ZNF273: variants seen among roughly 807,000 people sequenced by gnomAD.
The protein encoded by ZNF273 is zinc finger protein 9.
ZNF273 carries 11 observed loss-of-function variants against 14.9 expected under a neutral mutation model. The observed-to-expected ratio is 0.74, with a 90% CI of 0.46 to 1.22. The LOEUF (loss-of-function observed/expected upper bound fraction) is 1.22. Among genes scored for constraint, ZNF273 ranks in the 50% most tolerant of loss-of-function variants. The pLI, the probability that ZNF273 is intolerant of heterozygous loss-of-function variation, is 0.00. For synonymous variants in ZNF273, 199 were observed against 223.9 expected (o/e 0.89, Z 0.99); for missense variants, 577 against 660.6 (o/e 0.87, Z 1.39).
chr7:64,915,538 C>T (rs984335242), intron 1 of ZNF273, among the ~76,000 whole-genome samples: 4 of 152,242 alleles, frequency 2.6e-5, no homozygotes, highest in African/African-American at 9.6e-5. Context: ...AGCAGGAGCA[C>T]GTCCTGAAGG....
At chr7:64,916,079 C>T (rs1300623905) in intron 1 of ZNF273, among the ~76,000 whole-genome samples, 1 of 151,490 alleles carries the variant, frequency 6.6e-6, no homozygotes, top group Non-Finnish European at 1.5e-5. Flanking sequence ...GCTTGTAGTC[C>T]CAGCTACTAG....
Position 64,927,668 on chromosome 7 carries a change from T to C in ZNF273, c.340T>C (p.Phe114Leu). 6.4e-7 allele frequency: 1 copy of C among 1,569,532 alleles called. No individual in the cohort carries two copies. Among genetic ancestry groups the C allele is most frequent in the Non-Finnish European group, 8.6e-7 (1 of 1,163,122 alleles). The change falls in exon 4 of 4, where the codon TTT (phenylalanine) becomes CTT (leucine). Residue 114 changes from phenylalanine (F) to leucine (L), a missense_variant. Phe to Leu is a conservative substitution (Grantham distance 22). Around this residue, in one of 3 missense-constraint regions of ZNF273, gnomAD observed 162 missense variants for 203.5 expected, o/e 0.80. Transcript: ENST00000476120. The stretch of plus-strand genomic sequence containing the variant: ...ATTTCTTTCAGTTGTGTGTTCTCAT[T>C]TTGCCCAAGACCTTTGGCCAAAGCA... ...VAKPPVVCSHFAQDLWPKQGL... is the reference protein window; with the variant it reads ...VAKPPVVCSHLAQDLWPKQGL...
chr7:64,903,255 G>A (rs1303838854), upstream of ZNF273: 6 of 1,384,684 alleles, frequency 4.3e-6, no homozygotes, highest in Non-Finnish European at 6.1e-6. Context: ...ACGGCTTCCG[G>A]GATTTGGCGG....
intron 3 of ZNF273, among the ~76,000 whole-genome samples, chr7:64,924,803 ATTTT>A (rs34906700): frequency 1.4e-5 from 2 of 145,102 alleles, no homozygotes. Flanking sequence ...GATTTTTCAA[ATTTT>A]TTTTTTTTTT....
upstream of ZNF273, among the ~76,000 whole-genome samples, chr7:64,900,310 G>C (rs1792619044): frequency 2.6e-5 from 4 of 152,048 alleles, no homozygotes; most frequent in Admixed American, 2.6e-4. Context: ...ACTTTTAGTA[G>C]AGATGGTGTT....
upstream of ZNF273, among the ~76,000 whole-genome samples, chr7:64,901,583 T>C (rs1792716780): frequency 6.6e-6 from 1 of 152,376 alleles, no homozygotes; most frequent in Admixed American, 6.5e-5. Flanking sequence ...TTTGCTTGTC[T>C]TATGCTATTC....
upstream of ZNF273, among the ~76,000 whole-genome samples, chr7:64,902,333 G>A (rs1002760408): frequency 2.6e-5 from 4 of 151,976 alleles, no homozygotes; most frequent in African/African-American, 9.7e-5. Context: ...TAGGAAGGTC[G>A]TAAAATCGGA....
chr7:64,904,051 C>T (rs928328955), intron 1 of ZNF273, among the ~76,000 whole-genome samples: 2 of 152,068 alleles, frequency 1.3e-5, no homozygotes, highest in African/African-American at 4.8e-5. Flanking sequence ...ATTTTGTTTC[C>T]CTCAATGTTG....
chr7:64,878,805 T>G (rs1172541589), intron 2 of ZNF273, among the ~76,000 whole-genome samples: 1 of 152,218 alleles, frequency 6.6e-6, no homozygotes, highest in South Asian at 2.1e-4. Flanking sequence ...TTTTCCTGAC[T>G]TCTATGCTTC....
downstream of ZNF273, among the ~76,000 whole-genome samples, chr7:64,890,569 G>A (rs1415356220): frequency 6.6e-6 from 1 of 152,162 alleles, no homozygotes; most frequent in African/African-American, 2.4e-5. Context: ...AGCTCAGAGA[G>A]TGGAAGCCAC....
At chr7:64,879,044 C>CT (rs1791184921) in intron 2 of ZNF273, among the ~76,000 whole-genome samples, 1 of 152,192 alleles carries the variant, frequency 6.6e-6, no homozygotes, top group Non-Finnish European at 1.5e-5. Context: ...TACATGATTC[C>CT]TATAGTATAA....
chr7:64,911,483 G>A (rs370238749), intron 1 of ZNF273, among the ~76,000 whole-genome samples: 7 of 151,710 alleles, frequency 4.6e-5, no homozygotes, highest in African/African-American at 1.5e-4. Context: ...GGCTGGTTTC[G>A]AACTCCCGAC....
upstream of ZNF273, among the ~76,000 whole-genome samples, chr7:64,899,880 C>A (rs1389170938): frequency 1.3e-5 from 2 of 151,382 alleles, no homozygotes; most frequent in Non-Finnish European, 2.9e-5. Context: ...CCTGCCTCAG[C>A]CTCCTAAGTA....
At chr7:64,912,825 A>ATTTTTTTTTTTTT (rs1562959126) in intron 1 of ZNF273, among the ~76,000 whole-genome samples, 7 of 16,846 alleles carry the variant, frequency 4.2e-4, no homozygotes, top group Non-Finnish European at 2.1e-3. Flanking sequence ...GATTCATTTT[A>ATTTTTTTTTTTTT]GTTTTTTTTT....
intron 1 of ZNF273, among the ~76,000 whole-genome samples, chr7:64,909,976 A>G (rs192008925): frequency 8.8e-4 from 134 of 152,072 alleles, no homozygotes; most frequent in Non-Finnish European, 1.8e-3. Context: ...TGTTAGCCAC[A>G]TGTGTGTCTT....
In ZNF273 at chr7:64,922,726, A is replaced by G. The variant is rs559487690; in HGVS notation, c.325+4434A>G. Reference sequence around the variant, plus strand: ...ACACCTGTAATCCCAGCACTTTGGGATGCCGAGGCGAGTAGATTACATGAG... The same window carrying G: ...ACACCTGTAATCCCAGCACTTTGGGGTGCCGAGGCGAGTAGATTACATGAG... On this transcript the variant is annotated intron_variant, in intron 3 of 3. Transcript: ENST00000476120. Among the ~76,000 whole-genome samples, 14 of 151,086 alleles carry G rather than the reference A, an allele frequency of 9.3e-5. No homozygotes were observed. The East Asian group carries it at 2.2e-3, about 24-fold the overall frequency.
chr7:64,887,129 C>A (rs960923935), intron 1 of ZNF273, among the ~76,000 whole-genome samples: 1 of 152,222 alleles, frequency 6.6e-6, no homozygotes, highest in Non-Finnish European at 1.5e-5. Context: ...GGACTGAGGT[C>A]TCATGTGGAT....
downstream of ZNF273, chr7:64,889,191 C>T (rs1791802638): frequency 3.0e-6 from 3 of 985,738 alleles, no homozygotes; most frequent in Non-Finnish European, 3.6e-6. This position sits in a 1 kb window ranked among gnomAD's most constrained non-coding sequence, Gnocchi z 4.2. Flanking sequence ...GCAGCCCCTG[C>T]AGTCATGGGG....
At chr7:64,887,737 AT>A (rs1791680514) in intron 1 of ZNF273, among the ~76,000 whole-genome samples, 1 of 151,038 alleles carries the variant, frequency 6.6e-6, no homozygotes, top group Admixed American at 6.6e-5. Context: ...TGACCTCATG[AT>A]CTGCCCGCCT....
Sources: allele counts gnomAD v4.1 joint callset (sites outside exome capture counted in the v4.1 genomes callset), GRCh38; gene constraint gnomAD v4.1.1; regional missense constraint gnomAD v4.1.1; non-coding constraint Gnocchi (gnomAD v3.1); transcripts MANE v1.5; gene names NCBI Gene and HGNC (gene_info 2026-07-23, HGNC 2026-07-21).